Variants in PEX1 observed in about 807,000 individuals in gnomAD.
The protein encoded by PEX1 is peroxisomal biogenesis factor 1.
In PEX1, 97 loss-of-function variants were observed where a neutral mutation model predicts 152.5. The observed-to-expected ratio is 0.64, with a 90% CI of 0.54 to 0.75. The LOEUF (loss-of-function observed/expected upper bound fraction) is 0.75. Ranked by LOEUF, PEX1 falls within the 30% of genes least tolerant of loss-of-function variation. The pLI is 0.00. For missense variants in PEX1, 1,357 were observed against 1,516.3 expected, an observed-to-expected ratio of 0.89 and a Z score of 1.74; for synonymous variants, 485 against 531.6, an observed-to-expected ratio of 0.91 and a Z score of 1.21.
At chr7:92,525,907 T>A (rs555466085) in intron 1 of PEX1, among the ~76,000 whole-genome samples, 1 of 152,282 alleles carries the variant, frequency 6.6e-6, no homozygotes, top group South Asian at 2.1e-4. Context: ...GGAGGTAGGA[T>A]TATTCCTTTT....
intron 5 of PEX1, among the ~76,000 whole-genome samples, chr7:92,515,623 A>G (rs1792701319): frequency 6.6e-6 from 1 of 152,242 alleles, no homozygotes; most frequent in African/African-American, 2.4e-5. Context: ...CAGCTAAATC[A>G]TAAGCTCAGT....
chr7:92,506,921 G>T, intron 10 of PEX1, 73 bp downstream of exon 10: 2 of 1,522,476 alleles, frequency 1.3e-6, no homozygotes, highest in Non-Finnish European at 1.8e-6. Flanking sequence ...ATAATAGATG[G>T]TCAAAACCCA....
chr7:92,491,617 T>C, intron 20 of PEX1, 115 bp from the exon 21 acceptor site: 1 of 684,084 alleles, frequency 1.5e-6, no homozygotes, highest in Non-Finnish European at 2.6e-6. Context: ...AGAAGCATTT[T>C]TCAAAGAGCT....
chr7:92,524,966 T>A (rs964927332), intron 1 of PEX1, among the ~76,000 whole-genome samples: 1 of 151,946 alleles, frequency 6.6e-6, no homozygotes, highest in Admixed American at 6.6e-5. Flanking sequence ...CCCTGAAATA[T>A]CAAAAAAGGA....
At chr7:92,511,553 A>G in intron 7 of PEX1, 27 bp downstream of exon 7, 1 of 1,585,368 alleles carries the variant, frequency 6.3e-7, no homozygotes. Flanking sequence ...AAATAGAAAA[A>G]AAAGTCAAAA....
chr7:92,501,877 T>C lies in PEX1; in HGVS notation c.2416+13A>G, dbSNP rs1326037958. 2 of 1,605,404 alleles carry C rather than the reference T, an allele frequency of 1.2e-6. No individual in the cohort carries two copies. The highest frequency in any genetic ancestry group is 1.7e-5 in the Admixed American group (1 of 59,988). On this transcript the variant is annotated intron_variant, in intron 14 of 23. Transcript: ENST00000248633. ...AGAAGATTCCAAGTTCAGGTTTTAA[T>C]AGTAAAACATACTTTCTCTGGTGGA...
intron 3 of PEX1, 58 bp from the exon 4 acceptor site, chr7:92,518,313 G>T: frequency 9.4e-7 from 1 of 1,063,942 alleles, no homozygotes; most frequent in Non-Finnish European, 1.5e-6. Flanking sequence ...TCCATATCTA[G>T]TTAAAAAAAA....
At chr7:92,506,166 T>G in intron 11 of PEX1, 82 bp downstream of exon 11, 1 of 807,864 alleles carries the variant, frequency 1.2e-6, no homozygotes, top group Non-Finnish European at 2.2e-6. Flanking sequence ...TATGTGTATT[T>G]ATTAGATTGA....
At chr7:92,497,468 A>G (rs1056168184) in intron 16 of PEX1, among the ~76,000 whole-genome samples, 31 of 151,458 alleles carry the variant, frequency 2.0e-4, no homozygotes, top group Admixed American at 5.9e-4. Flanking sequence ...AAAAAAAAAG[A>G]GAATATATAA....
rs1487912067 is a variant in PEX1, at chr7:92,493,219, AACCT to A, written c.3031-94_3031-91del. 163 of 739,198 alleles carry A rather than the reference AACCT, an allele frequency of 2.2e-4. 3 individuals are homozygous for A. The African/African-American group carries it at 2.5e-3, about 11-fold the overall frequency. 45.8% of individuals were successfully genotyped at this position (739,198 alleles called of 1,614,324 possible). Reference sequence around the variant, plus strand: ...TATCTTATGATTTTCTTCATAAATTAACCTTATATATCTAAAAAGCTTTATAAGT... The same window carrying A: ...TATCTTATGATTTTCTTCATAAATTATATATATCTAAAAAGCTTTATAAGT... On this transcript the variant is annotated intron_variant, in intron 19 of 23. Coordinates refer to ENST00000248633, the MANE Select transcript of PEX1 (RefSeq NM_000466.3).
At chr7:92,504,460 A>C (rs1358019117) in intron 12 of PEX1, among the ~76,000 whole-genome samples, 1 of 152,172 alleles carries the variant, frequency 6.6e-6, no homozygotes, top group Non-Finnish European at 1.5e-5. Flanking sequence ...CAAATGAACA[A>C]AAGAGTAAAT....
At chr7:92,490,340 A>G (rs1192132707) in intron 21 of PEX1, 4 of 222,280 alleles carry the variant, frequency 1.8e-5, no homozygotes, top group African/African-American at 4.8e-5. Context: ...TTATATTTTT[A>G]AAGTCTGAGT....
intron 15 of PEX1, among the ~76,000 whole-genome samples, chr7:92,500,324 T>G (rs561633014): frequency 1.2e-4 from 18 of 152,316 alleles, no homozygotes; most frequent in African/African-American, 4.3e-4. Flanking sequence ...CAAGAGAACT[T>G]TTTGAACAGG....
chr7:92,500,869 T>C (rs886289061), intron 15 of PEX1, among the ~76,000 whole-genome samples: 4 of 152,198 alleles, frequency 2.6e-5, no homozygotes, highest in African/African-American at 9.7e-5. Flanking sequence ...AAGTCTGCTT[T>C]TCAAGGACTG....
chr7:92,518,730 T>G (rs1792919670), intron 3 of PEX1, among the ~76,000 whole-genome samples: 1 of 152,128 alleles, frequency 6.6e-6, no homozygotes, highest in South Asian at 2.1e-4. Flanking sequence ...CTACCATGCC[T>G]GGCTAATTTT....
chr7:92,507,337 A>C (rs1792245736), intron 9 of PEX1: 1 of 475,434 alleles, frequency 2.1e-6, no homozygotes, highest in Non-Finnish European at 3.8e-6. Flanking sequence ...CGCCCTGGCA[A>C]AGGTGATCCT....
chr7:92,518,119 C>T (rs1166804383), intron 4 of PEX1, 22 bp downstream of exon 4: 9 of 1,602,252 alleles, frequency 5.6e-6, no homozygotes, highest in Non-Finnish European at 6.8e-6. Context: ...AATATGACAG[C>T]AAATATTACA....
chr7:92,521,804 A>C (rs1793062151), intron 2 of PEX1, among the ~76,000 whole-genome samples: 1 of 152,198 alleles, frequency 6.6e-6, no homozygotes, highest in Non-Finnish European at 1.5e-5. Flanking sequence ...AAAGTTTAAT[A>C]ATAGTAAGTA....
chr7:92,489,291 A>G lies in PEX1; in HGVS notation c.3767+2T>C. 1 of 1,613,152 alleles carries G rather than the reference A, an allele frequency of 6.2e-7. No homozygotes were observed. Among genetic ancestry groups the G allele is most frequent in the South Asian group, 1.1e-5 (1 of 91,020 alleles). Reference sequence around the variant, plus strand: ...ACTTCCAAAACAGAATCTGTTACTTACAGCTCAGCAAAATTCTTCCAGTCA... The same window carrying G: ...ACTTCCAAAACAGAATCTGTTACTTGCAGCTCAGCAAAATTCTTCCAGTCA... On this transcript the variant is annotated splice_donor_variant, in intron 23 of 23. Coordinates refer to ENST00000248633, the MANE Select transcript of PEX1 (RefSeq NM_000466.3). LOFTEE classifies it high-confidence loss of function.
Sources: allele counts gnomAD v4.1 joint callset (sites outside exome capture counted in the v4.1 genomes callset), GRCh38; gene constraint gnomAD v4.1.1; transcripts MANE v1.5; gene names NCBI Gene and HGNC (gene_info 2026-07-23, HGNC 2026-07-21).